MYT1L: variants seen among roughly 807,000 people sequenced by gnomAD.
The protein encoded by MYT1L is myelin transcription factor 1-like protein.
Under a neutral mutation model 126.7 loss-of-function variants are expected in MYT1L, and 12 were observed. That is an observed-to-expected ratio of 0.09 (90% CI 0.06 to 0.15). The LOEUF (loss-of-function observed/expected upper bound fraction) is 0.15, where lower values mean the gene tolerates loss of function less well. Among genes scored for constraint, MYT1L ranks in the 10% least tolerant of loss-of-function variants. The probability of loss-of-function intolerance (pLI) is 1.00; values close to 1 mark genes in which losing one functional copy is unlikely to be tolerated. For missense variants in MYT1L, 979 were observed against 1,585.2 expected, an observed-to-expected ratio of 0.62 and a Z score of 6.49; for synonymous variants, 541 against 604.2, an observed-to-expected ratio of 0.90 and a Z score of 1.53.
chr2:2,029,269 G>T (rs148924085), intron 4 of MYT1L, among the ~76,000 whole-genome samples: 1 of 152,016 alleles, frequency 6.6e-6, no homozygotes, highest in East Asian at 1.9e-4. Flanking sequence ...TCATCCATTC[G>T]CATGCTGCTA....
chr2:2,264,752 G>A (rs914528757), intron 2 of MYT1L, among the ~76,000 whole-genome samples: 5 of 152,204 alleles, frequency 3.3e-5, no homozygotes, highest in South Asian at 4.1e-4. Flanking sequence ...GAGTCCAAGC[G>A]GCCACGAATC....
At chr2:2,217,694 C>A (rs867088436) in intron 2 of MYT1L, among the ~76,000 whole-genome samples, 4,532 of 68,784 alleles carry the variant, frequency 0.066, 280 homozygotes, top group African/African-American at 0.1. Flanking sequence ...ACAACAACAA[C>A]AACAACAACA....
At chr2:2,255,444 C>T (rs2094782033) in intron 2 of MYT1L, among the ~76,000 whole-genome samples, 1 of 152,140 alleles carries the variant, frequency 6.6e-6, no homozygotes, top group African/African-American at 2.4e-5. Context: ...GCCCTCAGAG[C>T]ATCAGAGCAG....
intron 2 of MYT1L, among the ~76,000 whole-genome samples, chr2:2,248,937 C>A (rs2094584456): frequency 6.6e-6 from 1 of 152,030 alleles, no homozygotes; most frequent in Non-Finnish European, 1.5e-5. Flanking sequence ...AAGCCAAAGA[C>A]TTTTCTCTTA....
At chr2:2,127,768 ACT>A (rs983921540) in intron 3 of MYT1L, among the ~76,000 whole-genome samples, 1 of 152,094 alleles carries the variant, frequency 6.6e-6, no homozygotes. Context: ...CACATTTGTG[ACT>A]CTGATGGGAA....
chr2:2,297,441 TGAAACCTGGCA>T (rs1298170985), intron 1 of MYT1L, among the ~76,000 whole-genome samples: 1 of 152,200 alleles, frequency 6.6e-6, no homozygotes, highest in African/African-American at 2.4e-5. Context: ...GTTAGTGCTT[TGAAACCTGGCA>T]GAAACCTGCT....
intron 4 of MYT1L, among the ~76,000 whole-genome samples, chr2:2,022,159 T>G (rs2065100558): frequency 6.6e-6 from 1 of 152,156 alleles, no homozygotes; most frequent in South Asian, 2.1e-4. Context: ...AATATGGCCT[T>G]ACTTCGCCAT....
chr2:1,846,196 C>T (rs1250634289), intron 19 of MYT1L, among the ~76,000 whole-genome samples: 2 of 152,180 alleles, frequency 1.3e-5, no homozygotes, highest in East Asian at 1.9e-4. Flanking sequence ...GAGAGTGCGC[C>T]AGGCTGGTTA....
chr2:1,797,408 G>A (rs949080327), intron 23 of MYT1L, among the ~76,000 whole-genome samples: 2 of 152,300 alleles, frequency 1.3e-5, no homozygotes, highest in African/African-American at 2.4e-5. Flanking sequence ...TTTTAGTAGA[G>A]ACGGGGTTTC....
At chr2:2,168,010 T>C (rs894150831) in intron 3 of MYT1L, among the ~76,000 whole-genome samples, 2 of 152,048 alleles carry the variant, frequency 1.3e-5, no homozygotes, top group Non-Finnish European at 1.5e-5. Context: ...TAAAAAAAAA[T>C]AGGCATTTAC....
At chr2:2,030,929 C>T (rs916071005) in intron 4 of MYT1L, among the ~76,000 whole-genome samples, 1 of 152,068 alleles carries the variant, frequency 6.6e-6, no homozygotes, top group Non-Finnish European at 1.5e-5. Context: ...TAATAAAGTC[C>T]GTATTAAATT....
intron 3 of MYT1L, among the ~76,000 whole-genome samples, chr2:2,091,298 C>G (rs2076896122): frequency 6.6e-6 from 1 of 152,222 alleles, no homozygotes; most frequent in Admixed American, 6.5e-5. Flanking sequence ...TGACATTAAT[C>G]TCCTTGCACA....
rs190106023 is a variant in MYT1L at position 2,166,615 on chromosome 2, G to T, written c.-304+6257C>A. Among the ~76,000 whole-genome samples the T allele has an allele frequency of 4.2e-4, 64 of 152,328 alleles. 1 individual carries two copies. In the East Asian group the frequency reaches 0.011, roughly 26 times the overall value. ...CCTTTCTACCTAAAACAAAGGGCCA[G>T]TGAGGATACATTAGATTGGTTATGG... On this transcript the variant is annotated intron_variant, in intron 3 of 24. Transcript: ENST00000647738.
chr2:2,211,174 T>A (rs1284758001), intron 2 of MYT1L, among the ~76,000 whole-genome samples: 2 of 152,226 alleles, frequency 1.3e-5, no homozygotes, highest in Non-Finnish European at 1.5e-5. Flanking sequence ...CAAATAGGTA[T>A]AATTGCTTAT....
Position 1,791,828 on chromosome 2 carries a change from A to G in MYT1L, c.*39T>C. ...GTTACAGCAGCAAAAAACAAGAGGC[A>G]TCCTTTTTAAGCAAGAGTTTCATCA... On this transcript the variant is annotated 3_prime_UTR_variant, in exon 25 of 25. Coordinates refer to ENST00000647738, the MANE Select transcript of MYT1L (RefSeq NM_001303052.2). The surrounding 1 kb of genome is among the most constrained non-coding windows in gnomAD (Gnocchi z 6.0). The G allele has an allele frequency of 1.3e-6, 2 of 1,518,414 alleles. No homozygotes were observed. The highest frequency in any genetic ancestry group is 2.7e-5 in the South Asian group (2 of 74,766). 94.1% of individuals were successfully genotyped at this position (1,518,414 alleles called of 1,614,324 possible). A position where few individuals can be genotyped will look rare whatever the true frequency, so the allele number is the denominator to read the frequency against.
intron 8 of MYT1L, among the ~76,000 whole-genome samples, chr2:1,960,668 G>A (rs781382711): frequency 3.3e-5 from 5 of 152,128 alleles, no homozygotes; most frequent in Non-Finnish European, 7.4e-5. Context: ...TCTCCAGGAT[G>A]CCCATGTCCC....
At chr2:2,295,609 CAGAGAGAGAG>C (rs1179841558) in intron 1 of MYT1L, among the ~76,000 whole-genome samples, 1 of 7,968 alleles carries the variant, frequency 1.3e-4, no homozygotes, top group African/African-American at 7.6e-4. Context: ...GAGAGACAGA[CAGAGAGAGAG>C]AGAGAGACAG....
chr2:1,958,174 C>T (rs377109951), intron 8 of MYT1L, among the ~76,000 whole-genome samples: 5 of 152,108 alleles, frequency 3.3e-5, no homozygotes, highest in Admixed American at 6.5e-5. Context: ...TTCATGTCTG[C>T]GCAGAAAACT....
chr2:2,246,135 C>A (rs1435753888), intron 2 of MYT1L, among the ~76,000 whole-genome samples: 1 of 152,300 alleles, frequency 6.6e-6, no homozygotes, highest in East Asian at 1.9e-4. Context: ...TCAGCCTCCT[C>A]CACCTGAGGC....
Sources: allele counts gnomAD v4.1 joint callset (sites outside exome capture counted in the v4.1 genomes callset), GRCh38; gene constraint gnomAD v4.1.1; non-coding constraint Gnocchi (gnomAD v3.1); transcripts MANE v1.5; gene names NCBI Gene and HGNC (gene_info 2026-07-23, HGNC 2026-07-21).